The following MED4 variants were observed in gnomAD, a reference collection of about 807,000 sequenced individuals.
MED4 encodes mediator of RNA polymerase II transcription subunit 4.
MED4 carries 21 observed loss-of-function variants against 35.0 expected under a neutral mutation model. The observed-to-expected ratio is 0.60, with a 90% CI of 0.43 to 0.86. The LOEUF is 0.86. Ranked by LOEUF, MED4 falls within the 40% of genes least tolerant of loss-of-function variation. The pLI is 0.00. For missense variants in MED4, 300 were observed against 319.4 expected (o/e 0.94, Z 0.46); for synonymous variants, 138 against 114.0 (o/e 1.21, Z -1.34).
chr13:48,084,695 A>C (rs1950836702), intron 3 of MED4, among the ~76,000 whole-genome samples: 1 of 152,210 alleles, frequency 6.6e-6, no homozygotes, highest in Admixed American at 6.5e-5. Flanking sequence ...AAGGAAATAG[A>C]CCAAACTATG....
intron 2 of MED4, among the ~76,000 whole-genome samples, chr13:48,087,028 A>G (rs1001643939): frequency 8.6e-5 from 13 of 151,942 alleles, no homozygotes; most frequent in Non-Finnish European, 5.9e-5. Context: ...CCTGGGTGAC[A>G]GAGTAAGACA....
chr13:48,095,097 A>C lies in MED4; in HGVS notation c.-19T>G, dbSNP rs956508631. The C allele has an allele frequency of 2.5e-6, 4 of 1,600,788 alleles. No homozygotes were observed. Among genetic ancestry groups the C allele is most frequent in the Non-Finnish European group, 3.4e-6 (4 of 1,179,552 alleles). Reference sequence around the variant, plus strand: ...CAGCCATTTTCCCCAGAGTCCCGCCACCGGCGCACGCGCAGAGCGAGCTGA... The same window carrying C: ...CAGCCATTTTCCCCAGAGTCCCGCCCCCGGCGCACGCGCAGAGCGAGCTGA... On this transcript the variant is annotated 5_prime_UTR_variant, in exon 1 of 7. Coordinates refer to ENST00000258648, the MANE Select transcript of MED4 (RefSeq NM_014166.4).
At chr13:48,094,596 A>G (rs1593550990) in intron 1 of MED4, among the ~76,000 whole-genome samples, 2 of 152,068 alleles carry the variant, frequency 1.3e-5, no homozygotes, top group East Asian at 3.9e-4. Context: ...ACAGGCCCCA[A>G]GCCAGTTTAC....
intron 2 of MED4, among the ~76,000 whole-genome samples, chr13:48,086,717 G>C (rs191470114): frequency 1.2e-3 from 183 of 152,214 alleles, no homozygotes; most frequent in Admixed American, 2.2e-3. Context: ...GGCAACATGA[G>C]CAAGTTTAGT....
chr13:48,088,294 A>T (rs1393924503), intron 2 of MED4, among the ~76,000 whole-genome samples: 3 of 152,256 alleles, frequency 2.0e-5, no homozygotes, highest in African/African-American at 7.2e-5. Context: ...TTTGTTGAAG[A>T]CTAAAAAGTA....
chr13:48,083,960 G>A (rs1249950462), intron 3 of MED4, among the ~76,000 whole-genome samples: 1 of 152,068 alleles, frequency 6.6e-6, no homozygotes, highest in Non-Finnish European at 1.5e-5. Context: ...ATGACACTGT[G>A]GTTAAGAGTA....
At chr13:48,086,161 A>G (rs547374981) in intron 3 of MED4, 121 bp downstream of exon 3, 44 of 860,238 alleles carry the variant, frequency 5.1e-5, no homozygotes, top group South Asian at 1.0e-4. Flanking sequence ...GAGTGACAAG[A>G]TATCACCTTT....
chr13:48,088,376 G>A (rs1950868077), intron 2 of MED4, among the ~76,000 whole-genome samples: 1 of 152,134 alleles, frequency 6.6e-6, no homozygotes, highest in Non-Finnish European at 1.5e-5. Context: ...TAATACAATA[G>A]ACAAAAGACT....
chr13:48,084,209 A>C (rs1393448007), intron 3 of MED4, among the ~76,000 whole-genome samples: 1 of 149,430 alleles, frequency 6.7e-6, no homozygotes, highest in Non-Finnish European at 1.5e-5. Context: ...GCAGTGAGCC[A>C]AGACTGTGCC....
chr13:48,093,412 T>C (rs2137843657), intron 1 of MED4: 1 of 244,880 alleles, frequency 4.1e-6, no homozygotes, highest in Non-Finnish European at 8.8e-6. Context: ...TCCACTATTT[T>C]TAAAGAGGCT....
chr13:48,084,265 C>CA (rs71099664), intron 3 of MED4, among the ~76,000 whole-genome samples: 34 of 109,946 alleles, frequency 3.1e-4, no homozygotes, highest in African/African-American at 1.1e-3. Flanking sequence ...GACTCTGTCT[C>CA]AAAAAAAAAA....
Position 48,076,092 on chromosome 13 carries a change from A to C in MED4, c.*1047T>G, listed in dbSNP as rs1270783336. ...GAACTTTAAAAAAATCTACACTACA[A>C]TATGAATTGATATTATCTCTGGGTA... On this transcript the variant is annotated 3_prime_UTR_variant, in exon 7 of 7. Coordinates refer to ENST00000258648, the MANE Select transcript of MED4 (RefSeq NM_014166.4). 6.6e-6 allele frequency: 1 copy of C among 152,246 alleles called. No individual in the cohort carries two copies. Among genetic ancestry groups the C allele is most frequent in the East Asian group, 1.9e-4 (1 of 5,204 alleles). 9.4% of individuals were successfully genotyped at this position (152,246 alleles called of 1,614,324 possible).
In MED4 at chr13:48,086,441, C is replaced by T. The variant is rs772102547; in HGVS notation, c.204G>A (p.Leu68=). ...QAGEENQVLE[L]LIHRDGEFQE... is the part of the protein sequence containing the mutation. The stretch of plus-strand genomic sequence containing the variant: ...GAAATTCCCCATCTCGGTGAATTAA[C>T]AACTCCAGGACCTGTCAGATAACAG... Residue 68 remains leucine (L), a synonymous_variant, in exon 3 of 7, where the codon TTG becomes TTA. Coordinates refer to ENST00000258648, the MANE Select transcript of MED4 (RefSeq NM_014166.4). 1 of 1,613,358 alleles carries T rather than the reference C, an allele frequency of 6.2e-7. No homozygotes were observed. The highest frequency in any genetic ancestry group is 1.3e-5 in the African/African-American group (1 of 74,864).
chr13:48,079,577 T>C (rs1270619602), intron 6 of MED4, among the ~76,000 whole-genome samples: 3 of 151,814 alleles, frequency 2.0e-5, no homozygotes, highest in Non-Finnish European at 4.4e-5. Flanking sequence ...CCATATCCAC[T>C]AAAAATACAA....
chr13:48,090,467 A>G (rs1367019889), intron 1 of MED4, 49 bp from the exon 2 acceptor site: 9 of 1,445,248 alleles, frequency 6.2e-6, no homozygotes, highest in African/African-American at 1.4e-5. Flanking sequence ...CAGCATACTG[A>G]ACACTCAGGG....
At chr13:48,084,871 A>C (rs145262543) in intron 3 of MED4, among the ~76,000 whole-genome samples, 339 of 151,236 alleles carry the variant, frequency 2.2e-3, no homozygotes, top group Non-Finnish European at 4.4e-3. Flanking sequence ...ACAAACATAT[A>C]AATAATATAT....
At chr13:48,081,407 C>A (rs534942639) in intron 5 of MED4, among the ~76,000 whole-genome samples, 2 of 152,218 alleles carry the variant, frequency 1.3e-5, no homozygotes, top group Admixed American at 1.3e-4. Flanking sequence ...AAAAAATTAT[C>A]AATTTATTAT....
chr13:48,090,203 T>G, intron 2 of MED4, 149 bp downstream of exon 2: 1 of 602,496 alleles, frequency 1.7e-6, no homozygotes, highest in South Asian at 2.6e-5. Context: ...AAAATACCAA[T>G]ATTAAAGTTT....
intron 6 of MED4, among the ~76,000 whole-genome samples, chr13:48,078,810 G>C (rs893169205): frequency 3.9e-5 from 6 of 152,078 alleles, no homozygotes; most frequent in Non-Finnish European, 7.4e-5. Flanking sequence ...AGTTCCCCTG[G>C]TTGTACTTTA....
Sources: allele counts gnomAD v4.1 joint callset (sites outside exome capture counted in the v4.1 genomes callset), GRCh38; gene constraint gnomAD v4.1.1; transcripts MANE v1.5; gene names NCBI Gene and HGNC (gene_info 2026-07-23, HGNC 2026-07-21).